The following GPC6 variants were observed in gnomAD, a reference collection of about 807,000 sequenced individuals.
The protein encoded by GPC6 is glypican-6.
Under a neutral mutation model 55.2 loss-of-function variants are expected in GPC6, and 14 were observed. That is an observed-to-expected ratio of 0.25 (90% CI 0.17 to 0.40). The LOEUF is 0.40. Among genes scored for constraint, GPC6 ranks in the 10% least tolerant of loss-of-function variants. The pLI is 1.00. For synonymous variants in GPC6, 278 were observed against 259.6 expected, an observed-to-expected ratio of 1.07 and a Z score of -0.68; for missense variants, 641 against 708.5, an observed-to-expected ratio of 0.90 and a Z score of 1.08.
At chr13:94,017,397 A>C (rs1176628925) in intron 3 of GPC6, among the ~76,000 whole-genome samples, 1 of 152,186 alleles carries the variant, frequency 6.6e-6, no homozygotes, top group African/African-American at 2.4e-5. Context: ...TCATGGCAGA[A>C]GGCAAAAGAG....
At chr13:94,174,375 A>G (rs1013876141) in intron 4 of GPC6, among the ~76,000 whole-genome samples, 4 of 152,180 alleles carry the variant, frequency 2.6e-5, no homozygotes, top group African/African-American at 9.6e-5. Flanking sequence ...GGGTAAATCA[A>G]TGGAGTTAGA....
chr13:94,025,158 C>T (rs1594675249), intron 3 of GPC6, among the ~76,000 whole-genome samples: 1 of 152,102 alleles, frequency 6.6e-6, no homozygotes, highest in South Asian at 2.1e-4. Flanking sequence ...GTGAGATAAC[C>T]AAAACCCAAC....
chr13:93,459,517 C>T (rs956392908), intron 1 of GPC6, among the ~76,000 whole-genome samples: 3 of 152,074 alleles, frequency 2.0e-5, no homozygotes, highest in African/African-American at 4.8e-5. Flanking sequence ...ATGAAAACAA[C>T]GGACTTTAAC....
chr13:94,266,163 T>TTG (rs200729416), intron 4 of GPC6, among the ~76,000 whole-genome samples: 1 of 111,312 alleles, frequency 9.0e-6, no homozygotes, highest in African/African-American at 3.4e-5. Flanking sequence ...TTTTTTTTTT[T>TTG]GTTTGTTTGT....
intron 5 of GPC6, among the ~76,000 whole-genome samples, chr13:94,303,972 G>T (rs1164371391): frequency 6.6e-6 from 1 of 152,180 alleles, no homozygotes; most frequent in Non-Finnish European, 1.5e-5. Flanking sequence ...AAGGCCGTTA[G>T]TATTGTTTCG....
intron 2 of GPC6, among the ~76,000 whole-genome samples, chr13:93,598,192 C>A (rs897197375): frequency 6.6e-6 from 1 of 152,048 alleles, no homozygotes; most frequent in African/African-American, 2.4e-5. Context: ...GGATTTTTTA[C>A]TGTGTAAGTG....
intron 1 of GPC6, among the ~76,000 whole-genome samples, chr13:93,295,166 C>A (rs1214656783): frequency 2.7e-5 from 4 of 146,954 alleles, no homozygotes; most frequent in Admixed American, 2.0e-4. Context: ...TGGCGGTGTG[C>A]CTGTAGTCCC....
intron 4 of GPC6, among the ~76,000 whole-genome samples, chr13:94,106,234 T>A (rs1232040846): frequency 6.6e-6 from 1 of 152,192 alleles, no homozygotes; most frequent in Non-Finnish European, 1.5e-5. Context: ...GCTGAAGATG[T>A]CAATACTGCC....
At chr13:93,983,430 TG>T (rs146606597) in intron 3 of GPC6, among the ~76,000 whole-genome samples, 2,278 of 152,072 alleles carry the variant, frequency 0.015, 62 homozygotes, top group East Asian at 0.12. Flanking sequence ...AAATTCATCG[TG>T]TTTTTTTTTT....
At chr13:94,106,661 T>C (rs1258403787) in intron 4 of GPC6, among the ~76,000 whole-genome samples, 1 of 151,950 alleles carries the variant, frequency 6.6e-6, no homozygotes, top group Admixed American at 6.6e-5. Context: ...TTGGAGAAGA[T>C]CGTTTTGAGG....
intron 3 of GPC6, among the ~76,000 whole-genome samples, chr13:93,860,957 C>T (rs1027352217): frequency 7.3e-5 from 11 of 151,458 alleles, no homozygotes; most frequent in African/African-American, 2.7e-4. Flanking sequence ...GGTTTGCATG[C>T]AGGACTTGGA....
chr13:94,084,586 T>TAAA (rs11310441), intron 4 of GPC6, among the ~76,000 whole-genome samples: 1 of 151,314 alleles, frequency 6.6e-6, no homozygotes, highest in African/African-American at 2.4e-5. Context: ...CTATTTGTGA[T>TAAA]AAAAAAAAAA....
At chr13:93,820,502 C>G (rs1887006708) in intron 2 of GPC6, among the ~76,000 whole-genome samples, 1 of 151,434 alleles carries the variant, frequency 6.6e-6, no homozygotes, top group Admixed American at 6.6e-5. Context: ...AAATAATTCT[C>G]CTTGTTTTGT....
At chr13:93,688,018 A>G (rs899340320) in intron 2 of GPC6, among the ~76,000 whole-genome samples, 1 of 152,094 alleles carries the variant, frequency 6.6e-6, no homozygotes, top group South Asian at 2.1e-4. Flanking sequence ...AGCAAAAGCC[A>G]TTCATAAAAT....
intron 6 of GPC6, among the ~76,000 whole-genome samples, chr13:94,362,006 A>C (rs1879078806): frequency 1.3e-5 from 2 of 152,220 alleles, no homozygotes; most frequent in African/African-American, 4.8e-5. Flanking sequence ...TCTGGATCTA[A>C]GCTTATTTCA....
chr13:93,914,950 A>G (rs569958265), intron 3 of GPC6, among the ~76,000 whole-genome samples: 63 of 152,312 alleles, frequency 4.1e-4, no homozygotes, highest in Admixed American at 9.2e-4. Flanking sequence ...CCCTAACCTC[A>G]ATTTCCAAGC....
intron 2 of GPC6, among the ~76,000 whole-genome samples, chr13:93,591,936 T>C (rs976752804): frequency 6.6e-6 from 1 of 152,176 alleles, no homozygotes; most frequent in Admixed American, 6.6e-5. Context: ...TTGGGTTGAG[T>C]TCTACAAAGC....
chr13:93,772,012 A>G (rs1417208870), intron 2 of GPC6, among the ~76,000 whole-genome samples: 1 of 152,120 alleles, frequency 6.6e-6, no homozygotes, highest in Non-Finnish European at 1.5e-5. Context: ...ACAAATTATA[A>G]TTTTTGAAGC....
At chr13:93,248,667 G>A (rs952236012) in intron 1 of GPC6, among the ~76,000 whole-genome samples, 4 of 152,108 alleles carry the variant, frequency 2.6e-5, no homozygotes, top group East Asian at 1.9e-4. Flanking sequence ...ATTACCTCCC[G>A]GGCACTGCTG....
Sources: gnomAD v4.1 joint callset for allele counts (sites outside exome capture counted in the v4.1 genomes callset) on GRCh38, gnomAD v4.1.1 for gene constraint, MANE v1.5 for transcripts, NCBI Gene and HGNC (gene_info 2026-07-23, HGNC 2026-07-21) for gene names.